NKAIN3: variants seen among roughly 807,000 people sequenced by gnomAD.
The protein encoded by NKAIN3 is sodium/potassium-transporting ATPase subunit beta-1-interacting protein 3.
In NKAIN3, 25 loss-of-function variants were observed where a neutral mutation model predicts 30.2. The observed-to-expected ratio is 0.83, with a 90% CI of 0.60 to 1.16. The LOEUF (loss-of-function observed/expected upper bound fraction) is 1.16, where lower values mean the gene tolerates loss of function less well. Among genes scored for constraint, NKAIN3 ranks in the 50% most tolerant of loss-of-function variants. The pLI is 0.00. For synonymous variants in NKAIN3, 91 were observed against 89.6 expected (o/e 1.02, Z -0.09); for missense variants, 225 against 254.1 (o/e 0.89, Z 0.78).
At chr8:62,395,571 T>C (rs1184283400) in intron 1 of NKAIN3, among the ~76,000 whole-genome samples, 4 of 152,228 alleles carry the variant, frequency 2.6e-5, no homozygotes, top group Admixed American at 2.6e-4. Flanking sequence ...AATATCAGAG[T>C]ATTTTTTGTA....
At chr8:62,458,549 G>A (rs1181520370) in intron 1 of NKAIN3, among the ~76,000 whole-genome samples, 3 of 152,174 alleles carry the variant, frequency 2.0e-5, no homozygotes, top group South Asian at 4.1e-4. Context: ...AAGAATGCAT[G>A]TCCTACAAGT....
intron 4 of NKAIN3, among the ~76,000 whole-genome samples, chr8:62,882,180 T>C (rs1209562008): frequency 6.6e-6 from 1 of 152,168 alleles, no homozygotes; most frequent in Non-Finnish European, 1.5e-5. Flanking sequence ...TTGCATATGT[T>C]TTTTCCCAGA....
At chr8:62,749,395 T>C (rs570096454) in intron 4 of NKAIN3, among the ~76,000 whole-genome samples, 29 of 152,328 alleles carry the variant, frequency 1.9e-4, no homozygotes, top group African/African-American at 7.0e-4. Context: ...CGTGTTATTT[T>C]AGTAAACATT....
intron 1 of NKAIN3, among the ~76,000 whole-genome samples, chr8:62,449,536 T>C (rs1415536005): frequency 6.6e-6 from 1 of 152,068 alleles, no homozygotes. Context: ...TTTCATTGAG[T>C]TCTATCATAA....
chr8:62,773,685 G>C (rs190843179), intron 4 of NKAIN3, among the ~76,000 whole-genome samples: 47 of 152,086 alleles, frequency 3.1e-4, no homozygotes, highest in Non-Finnish European at 1.3e-4. Flanking sequence ...TTATAAAGGG[G>C]AGTTCTCCTG....
chr8:62,828,255 G>A (rs528631099), intron 4 of NKAIN3, among the ~76,000 whole-genome samples: 1 of 152,050 alleles, frequency 6.6e-6, no homozygotes, highest in African/African-American at 2.4e-5. Context: ...TTATAGGTGG[G>A]GTAAGAATAT....
At chr8:62,651,107 T>C (rs922769092) in intron 3 of NKAIN3, among the ~76,000 whole-genome samples, 1 of 151,634 alleles carries the variant, frequency 6.6e-6, no homozygotes, top group African/African-American at 2.4e-5. Context: ...TTCCCATCAG[T>C]ACCTAAAAGA....
intron 1 of NKAIN3, among the ~76,000 whole-genome samples, chr8:62,395,059 G>T (rs945870538): frequency 5.0e-5 from 7 of 140,638 alleles, no homozygotes; most frequent in Admixed American, 1.4e-4. Flanking sequence ...CTTCCCAGAC[G>T]GTGGGTCGGC....
At chr8:62,740,877 T>C (rs1425593970) in intron 3 of NKAIN3, among the ~76,000 whole-genome samples, 1 of 152,156 alleles carries the variant, frequency 6.6e-6, no homozygotes, top group Non-Finnish European at 1.5e-5. Context: ...AAAAGGTAGA[T>C]ACCATGGAAT....
At chr8:62,927,242 G>C (rs954882262) in intron 5 of NKAIN3, among the ~76,000 whole-genome samples, 1 of 152,142 alleles carries the variant, frequency 6.6e-6, no homozygotes, top group African/African-American at 2.4e-5. Context: ...TCAGAGGCCA[G>C]CAGGGACTTC....
chr8:62,262,072 C>T (rs1162407002), intron 1 of NKAIN3, among the ~76,000 whole-genome samples: 1 of 151,988 alleles, frequency 6.6e-6, no homozygotes, highest in East Asian at 1.9e-4. Flanking sequence ...TAGGTCAAAC[C>T]TGTTGTGAAG....
At chr8:62,435,118 G>T (rs1310237389) in intron 1 of NKAIN3, among the ~76,000 whole-genome samples, 3 of 152,058 alleles carry the variant, frequency 2.0e-5, no homozygotes, top group Admixed American at 6.6e-5. Flanking sequence ...TCTGGTCAGC[G>T]CTGACACCTC....
intron 4 of NKAIN3, among the ~76,000 whole-genome samples, chr8:62,869,329 C>T (rs770739807): frequency 6.6e-6 from 1 of 152,158 alleles, no homozygotes; most frequent in African/African-American, 2.4e-5. Context: ...ACCCGGCGCC[C>T]CCCGCCCCCT....
At chr8:62,418,961 A>T (rs922643100) in intron 1 of NKAIN3, among the ~76,000 whole-genome samples, 2 of 152,166 alleles carry the variant, frequency 1.3e-5, no homozygotes, top group Non-Finnish European at 2.9e-5. Context: ...CTCTCCTGGG[A>T]TACAGGATCT....
intron 1 of NKAIN3, among the ~76,000 whole-genome samples, chr8:62,424,211 A>G (rs909166719): frequency 6.6e-6 from 1 of 152,010 alleles, no homozygotes; most frequent in Non-Finnish European, 1.5e-5. Context: ...CTGTAAAACC[A>G]CTAGAAGAAA....
Position 62,891,682 on chromosome 8 carries a change from A to G in NKAIN3, c.472-26771A>G, listed in dbSNP as rs902394368. ...AGTTAGCCTTTTGAACAGAGACAAAATTCCTTCCATATTTACCAATTCACA... is the reference window on the plus strand; with the variant it reads ...AGTTAGCCTTTTGAACAGAGACAAAGTTCCTTCCATATTTACCAATTCACA... On this transcript the variant is annotated intron_variant, in intron 4 of 6. Transcript: ENST00000623646. 1.1e-4 allele frequency among the ~76,000 whole-genome samples: 16 copies of G among 152,114 alleles called. 1 individual carries two copies. Among genetic ancestry groups the G allele is most frequent in the Admixed American group, 1.0e-3 (16 of 15,256 alleles).
intron 1 of NKAIN3, among the ~76,000 whole-genome samples, chr8:62,289,419 A>G (rs1348801904): frequency 6.6e-6 from 1 of 152,120 alleles, no homozygotes; most frequent in African/African-American, 2.4e-5. Context: ...TAATTGTTGT[A>G]TAAGATATAA....
chr8:62,574,690 A>T lies in NKAIN3; in HGVS notation c.55-4849A>T, dbSNP rs115790047. On this transcript the variant is annotated intron_variant, in intron 1 of 6. Coordinates refer to ENST00000623646, the MANE Select transcript of NKAIN3 (RefSeq NM_001304533.3). ...AGTGTACAGGGTTTCCCTTTTCTCTACACCCTTGCCAGCATTTGCTATTGC... is the reference window on the plus strand; with the variant it reads ...AGTGTACAGGGTTTCCCTTTTCTCTTCACCCTTGCCAGCATTTGCTATTGC... Among the ~76,000 whole-genome samples the T allele has an allele frequency of 6.1e-3, 928 of 152,208 alleles. 10 individuals are homozygous for T. Among genetic ancestry groups the T allele is most frequent in the African/African-American group, 0.021 (876 of 41,552 alleles).
At chr8:62,995,399 A>G (rs1403449771) in intron 5 of NKAIN3, among the ~76,000 whole-genome samples, 1 of 152,194 alleles carries the variant, frequency 6.6e-6, no homozygotes, top group Non-Finnish European at 1.5e-5. Context: ...GAGTAGATGA[A>G]TGAGAATCCA....
Sources: allele counts gnomAD v4.1 joint callset (sites outside exome capture counted in the v4.1 genomes callset), GRCh38; gene constraint gnomAD v4.1.1; transcripts MANE v1.5; gene names NCBI Gene and HGNC (gene_info 2026-07-23, HGNC 2026-07-21).